Variants in SEL1L2 observed in about 807,000 individuals in gnomAD.
SEL1L2 encodes protein sel-1 homolog 2.
In SEL1L2, 89 loss-of-function variants were observed where a neutral mutation model predicts 98.8. That is an observed-to-expected ratio of 0.90 (90% CI 0.76 to 1.07). The LOEUF (loss-of-function observed/expected upper bound fraction) is 1.07, where lower values mean the gene tolerates loss of function less well. SEL1L2 is among the 50% of genes least tolerant of loss of function. The probability of loss-of-function intolerance (pLI) is 0.00; values close to 1 mark genes in which losing one functional copy is unlikely to be tolerated. For missense variants in SEL1L2, 788 were observed against 812.0 expected, an observed-to-expected ratio of 0.97 and a Z score of 0.36; for synonymous variants, 262 against 278.5, an observed-to-expected ratio of 0.94 and a Z score of 0.59.
chr20:13,850,162 G>T (rs1206323450), intron 19 of SEL1L2, 29 bp downstream of exon 19: 1 of 1,612,514 alleles, frequency 6.2e-7, no homozygotes, highest in East Asian at 2.2e-5. Context: ...GACTTTCAGA[G>T]ATTCAGGACC....
At chr20:13,908,406 C>T (rs1045651427) in intron 5 of SEL1L2, among the ~76,000 whole-genome samples, 8 of 152,140 alleles carry the variant, frequency 5.3e-5, no homozygotes, top group African/African-American at 1.4e-4. Context: ...TCATAGGCGT[C>T]AGCCACCGTG....
chr20:13,890,062 A>G (rs2047139296), intron 5 of SEL1L2, among the ~76,000 whole-genome samples: 1 of 152,214 alleles, frequency 6.6e-6, no homozygotes, highest in African/African-American at 2.4e-5. Context: ...GCTCAAAGCC[A>G]AGAATAGTCC....
intron 2 of SEL1L2, among the ~76,000 whole-genome samples, chr20:13,947,798 C>T (rs2050087374): frequency 6.6e-6 from 1 of 152,222 alleles, no homozygotes; most frequent in African/African-American, 2.4e-5. Flanking sequence ...ACAACAAAAG[C>T]CACTTTGCAG....
chr20:13,865,534 T>C lies in SEL1L2; in HGVS notation c.1405-20A>G. ...ATAAAGCTGTACATGAGAGGAGAAATCAAGGAGACTAGTTAGCCAGTATGC... is the reference window on the plus strand; with the variant it reads ...ATAAAGCTGTACATGAGAGGAGAAACCAAGGAGACTAGTTAGCCAGTATGC... On this transcript the variant is annotated intron_variant, in intron 15 of 19. Transcript: ENST00000284951. 2 of 1,603,004 alleles carry C rather than the reference T, an allele frequency of 1.2e-6. No homozygotes were observed. Among genetic ancestry groups the C allele is most frequent in the East Asian group, 4.5e-5 (2 of 44,788 alleles).
At chr20:13,988,196 T>C (rs1176646022) in intron 1 of SEL1L2, among the ~76,000 whole-genome samples, 2 of 152,164 alleles carry the variant, frequency 1.3e-5, no homozygotes, top group African/African-American at 4.8e-5. Context: ...AATTTTTATT[T>C]ATTTTTGGTT....
chr20:13,870,670 C>A (rs2046144961), intron 12 of SEL1L2, among the ~76,000 whole-genome samples: 1 of 152,118 alleles, frequency 6.6e-6, no homozygotes, highest in Non-Finnish European at 1.5e-5. Flanking sequence ...TGCCTGTAAT[C>A]CCAGCACTTA....
intron 1 of SEL1L2, among the ~76,000 whole-genome samples, chr20:13,974,281 A>C (rs747228524): frequency 8.6e-5 from 13 of 152,032 alleles, no homozygotes; most frequent in Non-Finnish European, 1.9e-4. Flanking sequence ...TGATGCATTT[A>C]AGAAGTTTGT....
At chr20:13,953,104 G>C (rs1241833068) in intron 2 of SEL1L2, among the ~76,000 whole-genome samples, 2 of 152,154 alleles carry the variant, frequency 1.3e-5, no homozygotes, top group African/African-American at 4.8e-5. Context: ...GTTGGCTTAG[G>C]ATTGGGCTCA....
intron 1 of SEL1L2, among the ~76,000 whole-genome samples, chr20:13,973,088 A>C (rs1359958877): frequency 6.6e-6 from 1 of 152,120 alleles, no homozygotes; most frequent in East Asian, 1.9e-4. Context: ...TGTTTGTATT[A>C]TGATGTGAGG....
intron 5 of SEL1L2, among the ~76,000 whole-genome samples, chr20:13,904,610 T>A (rs1011179094): frequency 6.6e-6 from 1 of 152,110 alleles, no homozygotes; most frequent in African/African-American, 2.4e-5. Context: ...ACATTCCTCT[T>A]TTAGGAAAGT....
chr20:13,947,620 C>T (rs886805094), intron 2 of SEL1L2, among the ~76,000 whole-genome samples: 10 of 152,150 alleles, frequency 6.6e-5, no homozygotes, highest in African/African-American at 1.9e-4. Context: ...AACATGCCCC[C>T]CACACTGCAG....
intron 2 of SEL1L2, among the ~76,000 whole-genome samples, chr20:13,935,343 C>T (rs1451902325): frequency 6.6e-6 from 1 of 152,200 alleles, no homozygotes; most frequent in Non-Finnish European, 1.5e-5. Flanking sequence ...AGTCTCTGCC[C>T]TCTTGCAGCT....
At chr20:13,859,955 T>G (rs910794287) in intron 17 of SEL1L2, among the ~76,000 whole-genome samples, 33 of 152,350 alleles carry the variant, frequency 2.2e-4, no homozygotes, top group African/African-American at 7.7e-4. Flanking sequence ...CCACCCGCCT[T>G]GGCCTCCCAA....
chr20:13,897,432 G>A (rs762643406), intron 5 of SEL1L2, among the ~76,000 whole-genome samples: 2 of 152,026 alleles, frequency 1.3e-5, no homozygotes, highest in Admixed American at 6.6e-5. Context: ...TTAAAAAGTA[G>A]GAAAGGAAAC....
chr20:13,889,118 C>T (rs1406666149), intron 5 of SEL1L2, among the ~76,000 whole-genome samples: 1 of 151,574 alleles, frequency 6.6e-6, no homozygotes, highest in African/African-American at 2.4e-5. Flanking sequence ...CACCACCACA[C>T]TGGCTAATTT....
At chr20:13,863,283 G>A (rs547428004) in intron 17 of SEL1L2, among the ~76,000 whole-genome samples, 3 of 152,192 alleles carry the variant, frequency 2.0e-5, no homozygotes, top group Admixed American at 1.3e-4. Context: ...CAGGCAGTAA[G>A]CAGGATCCCT....
In SEL1L2 at chr20:13,898,690, T is replaced by C. The variant is rs1193760871; in HGVS notation, c.550-10178A>G. 6.6e-5 allele frequency among the ~76,000 whole-genome samples: 10 copies of C among 152,208 alleles called. No individual in the cohort carries two copies. In the East Asian group the frequency reaches 1.3e-3, roughly 21 times the overall value. On this transcript the variant is annotated intron_variant, in intron 5 of 19. Coordinates refer to ENST00000284951, the MANE Select transcript of SEL1L2 (RefSeq NM_025229.2). ...TTATGGGTAGAGCCAAATCTACTTA[T>C]GTCACCTGGGCCCTGTTTAGCACCT...
intron 4 of SEL1L2, among the ~76,000 whole-genome samples, chr20:13,916,490 G>C (rs1600733291): frequency 6.6e-6 from 1 of 152,156 alleles, no homozygotes; most frequent in African/African-American, 2.4e-5. Context: ...TTAGAGTTCA[G>C]TTCTCCATTG....
intron 1 of SEL1L2, among the ~76,000 whole-genome samples, chr20:13,968,368 G>A (rs1353243889): frequency 6.6e-6 from 1 of 151,706 alleles, no homozygotes; most frequent in Non-Finnish European, 1.5e-5. Flanking sequence ...GATGCAATGT[G>A]CCTGGCACAG....
Sources: allele counts gnomAD v4.1 joint callset (sites outside exome capture counted in the v4.1 genomes callset), GRCh38; gene constraint gnomAD v4.1.1; transcripts MANE v1.5; gene names NCBI Gene and HGNC (gene_info 2026-07-23, HGNC 2026-07-21).